C12orf75: variants seen among roughly 807,000 people sequenced by gnomAD.
C12orf75 encodes overexpressed in colon carcinoma 1 protein.
Under a neutral mutation model 11.4 loss-of-function variants are expected in C12orf75, and 4 were observed. The observed-to-expected ratio is 0.35, with a 90% CI of 0.17 to 0.80. The LOEUF (loss-of-function observed/expected upper bound fraction) is 0.80, where lower values mean the gene tolerates loss of function less well. Among genes scored for constraint, C12orf75 ranks in the 30% least tolerant of loss-of-function variants. The pLI, the probability that C12orf75 is intolerant of heterozygous loss-of-function variation, is 0.52. For missense variants in C12orf75, 89 were observed against 80.4 expected, an observed-to-expected ratio of 1.11 and a Z score of -0.41; for synonymous variants, 30 against 30.0, an observed-to-expected ratio of 1.00 and a Z score of 0.00.
At chr12:105,363,734 A>G (rs2136151289) in intron 2 of C12orf75, among the ~76,000 whole-genome samples, 1 of 152,268 alleles carries the variant, frequency 6.6e-6, no homozygotes, top group South Asian at 2.1e-4. Flanking sequence ...AATTAAAAAA[A>G]AAAAAAAGAG....
At chr12:105,348,784 C>CCT (rs1892674095) in intron 2 of C12orf75, among the ~76,000 whole-genome samples, 158 bp downstream of exon 2, 1 of 152,170 alleles carries the variant, frequency 6.6e-6, no homozygotes, top group Non-Finnish European at 1.5e-5. Context: ...AACTAAAGTG[C>CCT]TATTCAGAGA....
At chr12:105,353,728 C>T (rs1423744839) in intron 2 of C12orf75, 2 of 152,012 alleles carry the variant, frequency 1.3e-5, no homozygotes. Flanking sequence ...AAATAAGAAA[C>T]AGTATTAAAT....
chr12:105,355,156 G>A (rs1190938502), intron 2 of C12orf75, among the ~76,000 whole-genome samples: 3 of 145,434 alleles, frequency 2.1e-5, no homozygotes, highest in Non-Finnish European at 4.5e-5. Flanking sequence ...TGGTTTTCAC[G>A]AATTTCTTTT....
At chr12:105,365,783 TAG>T in intron 2 of C12orf75, 22 bp from the exon 3 acceptor site, 1 of 1,533,370 alleles carries the variant, frequency 6.5e-7, no homozygotes, top group Non-Finnish European at 8.8e-7. Context: ...AAGTGTCTCA[TAG>T]CAAATGTTTC....
intron 2 of C12orf75, among the ~76,000 whole-genome samples, chr12:105,362,924 C>A (rs1892893769): frequency 6.6e-6 from 1 of 152,142 alleles, no homozygotes; most frequent in South Asian, 2.1e-4. Context: ...TAGCAAAGTG[C>A]CTAGTATAGT....
At chr12:105,364,734 T>C (rs974757065) in intron 2 of C12orf75, among the ~76,000 whole-genome samples, 3 of 152,328 alleles carry the variant, frequency 2.0e-5, no homozygotes, top group African/African-American at 4.8e-5. Flanking sequence ...ATTATTTTTT[T>C]TTTCTTTCAG....
intron 1 of C12orf75, among the ~76,000 whole-genome samples, chr12:105,332,651 A>C (rs1367366128): frequency 6.6e-6 from 1 of 151,740 alleles, no homozygotes; most frequent in Non-Finnish European, 1.5e-5. Flanking sequence ...GAATTGCTTG[A>C]ACCTGGGAGG....
chr12:105,366,208 T>G, intron 3 of C12orf75: 2 of 306,208 alleles, frequency 6.5e-6, no homozygotes, highest in Non-Finnish European at 1.2e-5. Context: ...TCTGCCCTCA[T>G]TTTGTATCTC....
intron 1 of C12orf75, among the ~76,000 whole-genome samples, chr12:105,338,590 G>A (rs138901706): frequency 1.8e-3 from 272 of 152,272 alleles, no homozygotes; most frequent in African/African-American, 5.8e-3. Flanking sequence ...TATTTGGCTC[G>A]TGGTTCTGCA....
intron 2 of C12orf75, among the ~76,000 whole-genome samples, chr12:105,357,424 A>G (rs1200531138): frequency 6.6e-6 from 1 of 152,142 alleles, no homozygotes. Flanking sequence ...GATAAGGTAC[A>G]TATCACTAAA....
At chr12:105,346,909 A>C (rs1470090092) in intron 1 of C12orf75, among the ~76,000 whole-genome samples, 1 of 152,234 alleles carries the variant, frequency 6.6e-6, no homozygotes, top group East Asian at 1.9e-4. Context: ...TTGAAATATT[A>C]AGTGTGACGT....
At chr12:105,340,323 G>A (rs1367970591) in intron 1 of C12orf75, among the ~76,000 whole-genome samples, 4 of 151,644 alleles carry the variant, frequency 2.6e-5, no homozygotes, top group Non-Finnish European at 2.9e-5. Context: ...TACTTGGGAC[G>A]CTGAGGCAGG....
chr12:105,361,306 A>G (rs1445379227), intron 2 of C12orf75, among the ~76,000 whole-genome samples: 1 of 152,168 alleles, frequency 6.6e-6, no homozygotes, highest in Admixed American at 6.5e-5. Flanking sequence ...TGTGAGGGGG[A>G]AAAAGGTATG....
chr12:105,331,833 C>T (rs970407325), intron 1 of C12orf75, among the ~76,000 whole-genome samples: 5 of 152,092 alleles, frequency 3.3e-5, no homozygotes, highest in Admixed American at 3.3e-4. Flanking sequence ...ATAAAGAGCT[C>T]CTATCTCCTC....
chr12:105,340,897 A>T (rs757927572), intron 1 of C12orf75, among the ~76,000 whole-genome samples: 12 of 152,180 alleles, frequency 7.9e-5, no homozygotes, highest in Non-Finnish European at 1.3e-4. Flanking sequence ...AAGCCAAGGA[A>T]TGCTTGCTGC....
chr12:105,351,676 C>G (rs1441292888), intron 2 of C12orf75, among the ~76,000 whole-genome samples: 1 of 151,970 alleles, frequency 6.6e-6, no homozygotes, highest in Admixed American at 6.6e-5. Context: ...TGGCAGAGGA[C>G]AAGCATGAAA....
At chr12:105,366,543 G>T (rs1871477701) in intron 3 of C12orf75, 74 bp from the exon 4 acceptor site, 4 of 645,928 alleles carry the variant, frequency 6.2e-6, no homozygotes, top group Non-Finnish European at 1.1e-5. Context: ...TAATTGTTTG[G>T]AGTACTCCGT....
intron 1 of C12orf75, among the ~76,000 whole-genome samples, chr12:105,346,676 A>T (rs1892645221): frequency 6.6e-6 from 1 of 152,254 alleles, no homozygotes; most frequent in Non-Finnish European, 1.5e-5. Context: ...TCAAAGCCTT[A>T]AAAGAATTCG....
At chr12:105,357,476 A>G (rs528819246) in intron 2 of C12orf75, among the ~76,000 whole-genome samples, 1 of 152,294 alleles carries the variant, frequency 6.6e-6, no homozygotes, top group African/African-American at 2.4e-5. Flanking sequence ...TTAAACCATC[A>G]ACTGAGGATT....
Sources: gnomAD v4.1 joint callset for allele counts (sites outside exome capture counted in the v4.1 genomes callset) on GRCh38, gnomAD v4.1.1 for gene constraint, MANE v1.5 for transcripts, NCBI Gene and HGNC (gene_info 2026-07-23, HGNC 2026-07-21) for gene names.